Variants in SERAC1 observed in about 807,000 individuals in gnomAD.
SERAC1 encodes the protein serine active site containing 1.
In SERAC1, 36 loss-of-function variants were observed where a neutral mutation model predicts 85.7. That is an observed-to-expected ratio of 0.42 (90% CI 0.32 to 0.55). The LOEUF is 0.55. SERAC1 is among the 20% of genes least tolerant of loss of function. The pLI is 0.11. For synonymous variants in SERAC1, 242 were observed against 265.3 expected, an observed-to-expected ratio of 0.91 and a Z score of 0.85; for missense variants, 629 against 796.2, an observed-to-expected ratio of 0.79 and a Z score of 2.53.
chr6:158,128,226 C>CT lies in SERAC1; in HGVS notation c.896dup (p.Leu300AlafsTer14). On this transcript the variant is annotated frameshift_variant, in exon 10 of 17. Coordinates refer to ENST00000647468, the MANE Select transcript of SERAC1 (RefSeq NM_032861.4). LOFTEE classifies it high-confidence loss of function. ...GAAGTCGGTACAGCCTCTGAAGTAG[C>CT]TGCAGGCCTCCATTTGCTTCGATTT... The CT allele has an allele frequency of 6.2e-7, 1 of 1,614,152 alleles. No homozygotes were observed. The highest frequency in any genetic ancestry group is 8.5e-7 in the Non-Finnish European group (1 of 1,180,006).
chr6:158,131,807 T>C (rs1784684261), intron 8 of SERAC1, among the ~76,000 whole-genome samples: 1 of 152,190 alleles, frequency 6.6e-6, no homozygotes, highest in African/African-American at 2.4e-5. Context: ...TGTATAATAA[T>C]AAAGACTGAA....
rs771953210 is a variant in SERAC1 at position 158,116,266 on chromosome 6, T to C, written c.1420A>G (p.Arg474Gly). ...AGCTTCCTAAGAAGTTCGTTGCTTC[T>C]GAATGCAATGGACTTTCTGAACAAA... Reference protein sequence around the residue: ...CPMERKSIAFRSNELLRKLRA... With the variant: ...CPMERKSIAFGSNELLRKLRA... The change falls in exon 14 of 17, where the codon AGA becomes GGA. Residue 474 changes from arginine to glycine, a missense_variant. By Grantham distance (125) the Arg-to-Gly change is moderately radical. Coordinates refer to ENST00000647468, the MANE Select transcript of SERAC1 (RefSeq NM_032861.4). 6.2e-7 allele frequency: 1 copy of C among 1,614,064 alleles called. No individual in the cohort carries two copies. Among genetic ancestry groups the C allele is most frequent in the Non-Finnish European group, 8.5e-7 (1 of 1,179,940 alleles).
intron 16 of SERAC1, chr6:158,112,967 A>T (rs1416668646): frequency 6.3e-6 from 1 of 157,682 alleles, no homozygotes; most frequent in Non-Finnish European, 1.4e-5. Flanking sequence ...ATTTCCCTCA[A>T]CCCCAGGATC....
intron 1 of SERAC1, among the ~76,000 whole-genome samples, chr6:158,159,723 C>G (rs1281359172): frequency 6.6e-6 from 1 of 151,228 alleles, no homozygotes; most frequent in Admixed American, 6.6e-5. Context: ...CTCTCAGGCT[C>G]AAGCAATCCT....
intron 1 of SERAC1, chr6:158,158,651 C>A: frequency 4.1e-6 from 1 of 241,316 alleles, no homozygotes. Flanking sequence ...ACAATCATTC[C>A]CAGAACACAA....
intron 14 of SERAC1, 112 bp from the exon 15 acceptor site, chr6:158,115,083 T>C: frequency 8.3e-7 from 1 of 1,208,848 alleles, no homozygotes; most frequent in South Asian, 1.5e-5. Context: ...GCTTTCTTTT[T>C]AAAAAAAATG....
intron 8 of SERAC1, among the ~76,000 whole-genome samples, chr6:158,138,764 C>T (rs1410625133): frequency 6.6e-6 from 1 of 151,944 alleles, no homozygotes; most frequent in Non-Finnish European, 1.5e-5. Flanking sequence ...AAAGCAGGGG[C>T]ATAAGAATAG....
intron 1 of SERAC1, among the ~76,000 whole-genome samples, chr6:158,166,871 CT>C (rs2128426947): frequency 6.6e-6 from 1 of 152,260 alleles, no homozygotes; most frequent in Non-Finnish European, 1.5e-5. Flanking sequence ...CCTCTAGTCA[CT>C]CTTTATCACA....
chr6:158,117,071 T>G lies in SERAC1; in HGVS notation c.1403+656A>C, dbSNP rs138125780. ...CAAAATAAAGGTTCTCCAGAGCTCCTCTGGGTGAAATGGGGAGGGAGACCT... is the reference window on the plus strand; with the variant it reads ...CAAAATAAAGGTTCTCCAGAGCTCCGCTGGGTGAAATGGGGAGGGAGACCT... On this transcript the variant is annotated intron_variant, in intron 13 of 16. Coordinates refer to ENST00000647468, the MANE Select transcript of SERAC1 (RefSeq NM_032861.4). The surrounding 1 kb of genome is among the most constrained non-coding windows in gnomAD (Gnocchi z 4.3). 6.6e-3 allele frequency: 1,037 copies of G among 157,726 alleles called. 16 individuals are homozygous for G. The highest frequency in any genetic ancestry group is 0.024 in the African/African-American group (988 of 41,704). The allele number at this position is 157,726 out of a possible 1,614,324, so 9.8% of individuals were successfully genotyped here. A position where few individuals can be genotyped will look rare whatever the true frequency, so the allele number is the denominator to read the frequency against.
At chr6:158,166,238 A>C (rs1251548618) in intron 1 of SERAC1, 1 of 152,180 alleles carries the variant, frequency 6.6e-6, no homozygotes, top group Non-Finnish European at 1.5e-5. Flanking sequence ...CATATATTTC[A>C]TCATCCTTTA....
In SERAC1 at chr6:158,114,828, G is replaced by A. The variant is rs1216795197; in HGVS notation, c.1645C>T (p.Leu549Phe). Residue 549 changes from leucine to phenylalanine, a missense_variant, in exon 15 of 17, where the codon CTT becomes TTT. Coordinates refer to ENST00000647468, the MANE Select transcript of SERAC1 (RefSeq NM_032861.4). ...LAEYSVNIRY[L>F]LFPSLEVKEL... ...TTGACTTCCAACGAGGGGAAGAGAA[G>A]ATAGCGAATATTAACAGAGTATTCA... The A allele has an allele frequency of 1.4e-5, 23 of 1,605,736 alleles. No individual in the cohort carries two copies. The highest frequency in any genetic ancestry group is 1.8e-5 in the Non-Finnish European group (21 of 1,176,986).
intron 2 of SERAC1, 24 bp downstream of exon 2, chr6:158,158,249 A>T (rs760688511): frequency 1.3e-6 from 2 of 1,530,694 alleles, no homozygotes; most frequent in Non-Finnish European, 1.8e-6. Context: ...ATAAGAAAAT[A>T]AGAGTTGTTT....
intron 10 of SERAC1, among the ~76,000 whole-genome samples, chr6:158,123,541 T>C (rs977909190): frequency 1.3e-5 from 2 of 152,224 alleles, no homozygotes; most frequent in Non-Finnish European, 2.9e-5. Flanking sequence ...TTTACAATAG[T>C]CATTGCTAAG....
At chr6:158,151,676 C>T (rs1324513138) in intron 3 of SERAC1, among the ~76,000 whole-genome samples, 2 of 152,160 alleles carry the variant, frequency 1.3e-5, no homozygotes, top group Non-Finnish European at 2.9e-5. Flanking sequence ...CCACCCACCT[C>T]GGCCTCCCAA....
Position 158,149,234 on chromosome 6 carries a change from C to T in SERAC1, c.266-280G>A, listed in dbSNP as rs568191491. ...GTCTTGATCTCCTGACCTCATGATCCGCCCTCCTCGGCCTCCCAAAGTGCT... is the reference window on the plus strand; with the variant it reads ...GTCTTGATCTCCTGACCTCATGATCTGCCCTCCTCGGCCTCCCAAAGTGCT... On this transcript the variant is annotated intron_variant, in intron 4 of 16. Transcript: ENST00000647468. Among the ~76,000 whole-genome samples the T allele has an allele frequency of 7.5e-4, 114 of 152,228 alleles. 1 individual carries two copies. Among genetic ancestry groups the T allele is most frequent in the Non-Finnish European group, 1.4e-3 (93 of 67,998 alleles).
intron 1 of SERAC1, among the ~76,000 whole-genome samples, chr6:158,167,140 G>A (rs543287185): frequency 3.2e-4 from 48 of 148,660 alleles, no homozygotes; most frequent in Non-Finnish European, 2.8e-4. Context: ...GAAATCACCA[G>A]TTGGAAAAGA....
chr6:158,120,378 C>G lies in SERAC1; in HGVS notation c.1166+47G>C. On this transcript the variant is annotated intron_variant, in intron 11 of 16. Transcript: ENST00000647468. This position sits in a 1 kb window ranked among gnomAD's most constrained non-coding sequence, Gnocchi z 4.4. ...AAGTTAAAAATTTGAGGCCTCTAGG[C>G]TTCACATTTCCAAAGGGGACAAAGC... The G allele has an allele frequency of 1.3e-6, 2 of 1,565,612 alleles. No homozygotes were observed. Among genetic ancestry groups the G allele is most frequent in the East Asian group, 4.6e-5 (2 of 43,644 alleles).
intron 1 of SERAC1, chr6:158,161,547 CAAAGAAGTT>C (rs1267471160): frequency 6.6e-6 from 1 of 151,810 alleles, no homozygotes; most frequent in Non-Finnish European, 1.5e-5. Context: ...AAAATAATAG[CAAAGAAGTT>C]TAAGAATGTG....
chr6:158,143,834 C>A (rs1430802793), intron 7 of SERAC1, among the ~76,000 whole-genome samples: 1 of 152,124 alleles, frequency 6.6e-6, no homozygotes, highest in African/African-American at 2.4e-5. Flanking sequence ...CCAGAAACAT[C>A]TGGCAACGTC....
Sources: allele counts gnomAD v4.1 joint callset (sites outside exome capture counted in the v4.1 genomes callset), GRCh38; gene constraint gnomAD v4.1.1; non-coding constraint Gnocchi (gnomAD v3.1); transcripts MANE v1.5; gene names NCBI Gene and HGNC (gene_info 2026-07-23, HGNC 2026-07-21).